Variants in RAPGEF5 observed in about 807,000 individuals in gnomAD.
The protein encoded by RAPGEF5 is M-Ras-regulated GEF.
A neutral mutation model predicts 125.2 loss-of-function variants in RAPGEF5; 65 were observed. That is an observed-to-expected ratio of 0.52 (90% CI 0.43 to 0.64). The LOEUF (loss-of-function observed/expected upper bound fraction) is 0.64, where lower values mean the gene tolerates loss of function less well. RAPGEF5 is among the 30% of genes least tolerant of loss of function. RAPGEF5 has a pLI of 0.00. For synonymous variants in RAPGEF5, 391 were observed against 385.9 expected, an observed-to-expected ratio of 1.01 and a Z score of -0.16; for missense variants, 958 against 1,048.1, an observed-to-expected ratio of 0.91 and a Z score of 1.19.
At chr7:22,260,699 A>T (rs796429944) in intron 7 of RAPGEF5, among the ~76,000 whole-genome samples, 9 of 152,302 alleles carry the variant, frequency 5.9e-5, no homozygotes, top group African/African-American at 2.2e-4. Context: ...TTTATATAAT[A>T]ATCTATAAGG....
chr7:22,186,538 G>A (rs1414586037), intron 11 of RAPGEF5, among the ~76,000 whole-genome samples: 1 of 151,930 alleles, frequency 6.6e-6, no homozygotes, highest in Non-Finnish European at 1.5e-5. Flanking sequence ...TTATTTTATT[G>A]TCTGATTCCC....
chr7:22,282,240 C>A (rs1782690179), intron 6 of RAPGEF5, among the ~76,000 whole-genome samples: 1 of 152,104 alleles, frequency 6.6e-6, no homozygotes, highest in Non-Finnish European at 1.5e-5. Flanking sequence ...AAGCTCCTTG[C>A]ACACATGGAC....
intron 5 of RAPGEF5, among the ~76,000 whole-genome samples, chr7:22,304,717 C>T (rs1307711457): frequency 6.6e-6 from 1 of 152,186 alleles, no homozygotes; most frequent in East Asian, 1.9e-4. Context: ...TGCTGAAGAA[C>T]GCCAGTCCCA....
intron 18 of RAPGEF5, 43 bp downstream of exon 18, chr7:22,150,364 C>G (rs752310963): frequency 6.3e-7 from 1 of 1,583,636 alleles, no homozygotes; most frequent in East Asian, 2.2e-5. Context: ...TGAGCCACCT[C>G]GCCTGGCCTG....
intron 9 of RAPGEF5, among the ~76,000 whole-genome samples, chr7:22,206,686 A>C (rs1219010981): frequency 6.7e-6 from 1 of 149,684 alleles, no homozygotes; most frequent in African/African-American, 2.5e-5. Flanking sequence ...CCCATGTCAC[A>C]AGAAAAAAAA....
chr7:22,331,458 G>A (rs1035215442), intron 1 of RAPGEF5, among the ~76,000 whole-genome samples: 4 of 152,086 alleles, frequency 2.6e-5, no homozygotes, highest in Admixed American at 2.6e-4. Context: ...AAAGTTACAG[G>A]AGGTGGGCCA....
At chr7:22,182,893 G>A (rs777676136) in intron 11 of RAPGEF5, among the ~76,000 whole-genome samples, 9 of 152,162 alleles carry the variant, frequency 5.9e-5, no homozygotes, top group Non-Finnish European at 1.2e-4. Context: ...CTACGTCAAA[G>A]AGATTATATA....
chr7:22,185,075 C>T (rs541475899), intron 11 of RAPGEF5, among the ~76,000 whole-genome samples: 1 of 152,158 alleles, frequency 6.6e-6, no homozygotes, highest in Admixed American at 6.6e-5. Context: ...TGATTTGGGG[C>T]TTATAGCTTG....
intron 9 of RAPGEF5, among the ~76,000 whole-genome samples, chr7:22,204,733 T>C (rs1785359666): frequency 6.6e-6 from 1 of 152,112 alleles, no homozygotes; most frequent in Admixed American, 6.6e-5. Flanking sequence ...TGAAACAAGG[T>C]TGGGATAAAG....
intron 7 of RAPGEF5, among the ~76,000 whole-genome samples, chr7:22,237,934 G>A (rs1454402639): frequency 1.3e-5 from 2 of 152,150 alleles, no homozygotes; most frequent in African/African-American, 4.8e-5. Flanking sequence ...TGTGGGGAGG[G>A]GGTTAACATC....
chr7:22,251,775 C>CATAAAA (rs1786627748), intron 7 of RAPGEF5, among the ~76,000 whole-genome samples: 1 of 73,344 alleles, frequency 1.4e-5, no homozygotes, highest in African/African-American at 5.2e-5. Context: ...GTTTCATTGA[C>CATAAAA]AAAAAAAAAA....
intron 1 of RAPGEF5, among the ~76,000 whole-genome samples, chr7:22,349,202 T>C (rs925812657): frequency 4.0e-5 from 6 of 150,950 alleles, no homozygotes; most frequent in African/African-American, 1.5e-4. Flanking sequence ...GGCAGGCGGA[T>C]CACTTGAGGT....
intron 7 of RAPGEF5, among the ~76,000 whole-genome samples, chr7:22,246,871 C>T (rs1269893531): frequency 6.6e-6 from 1 of 152,074 alleles, no homozygotes; most frequent in Admixed American, 6.6e-5. Context: ...GGAACTTAAA[C>T]AATTGAACAG....
chr7:22,278,801 A>G (rs770550018), intron 6 of RAPGEF5, among the ~76,000 whole-genome samples: 1 of 151,066 alleles, frequency 6.6e-6, no homozygotes, highest in Non-Finnish European at 1.5e-5. Context: ...CAAAACACAC[A>G]CTTCCATAGA....
chr7:22,229,859 T>G (rs1786016236), intron 8 of RAPGEF5, among the ~76,000 whole-genome samples: 1 of 152,210 alleles, frequency 6.6e-6, no homozygotes, highest in South Asian at 2.1e-4. Flanking sequence ...CAAACCTAAG[T>G]AGAATCTGTT....
intron 11 of RAPGEF5, among the ~76,000 whole-genome samples, chr7:22,176,564 G>C (rs1489061674): frequency 1.3e-5 from 2 of 152,226 alleles, no homozygotes; most frequent in South Asian, 4.2e-4. Flanking sequence ...TTGCTCTGTC[G>C]CCCAGGCTGG....
At chr7:22,307,338 G>A (rs543733525) in intron 5 of RAPGEF5, among the ~76,000 whole-genome samples, 29 of 152,232 alleles carry the variant, frequency 1.9e-4, no homozygotes, top group Middle Eastern at 3.4e-3. Flanking sequence ...TGGTGGAGGT[G>A]AGGTGGTATC....
chr7:22,217,372 G>A (rs1449513364), intron 9 of RAPGEF5, among the ~76,000 whole-genome samples: 4 of 152,168 alleles, frequency 2.6e-5, no homozygotes, highest in African/African-American at 9.7e-5. Context: ...AAGAAAGTGA[G>A]GACAGGAAAA....
chr7:22,315,893 G>A (rs1783579035), intron 2 of RAPGEF5, among the ~76,000 whole-genome samples: 1 of 151,870 alleles, frequency 6.6e-6, no homozygotes, highest in Non-Finnish European at 1.5e-5. Flanking sequence ...ACAGGTCTTG[G>A]AAGATGGAAA....
Sources: allele counts gnomAD v4.1 joint callset (sites outside exome capture counted in the v4.1 genomes callset), GRCh38; gene constraint gnomAD v4.1.1; transcripts MANE v1.5; gene names NCBI Gene and HGNC (gene_info 2026-07-23, HGNC 2026-07-21).